Variants in CTBP2 observed in about 807,000 individuals in gnomAD.
CTBP2 encodes the protein C-terminal-binding protein 2.
A neutral mutation model predicts 80.3 loss-of-function variants in CTBP2; 30 were observed. The observed-to-expected ratio is 0.37, with a 90% CI of 0.28 to 0.51. The LOEUF is 0.51. CTBP2 is among the 20% of genes least tolerant of loss of function. The probability of loss-of-function intolerance (pLI) is 0.93; values close to 1 mark genes in which losing one functional copy is unlikely to be tolerated. For synonymous variants in CTBP2, 594 were observed against 587.4 expected, an observed-to-expected ratio of 1.01 and a Z score of -0.16; for missense variants, 1,212 against 1,375.3, an observed-to-expected ratio of 0.88 and a Z score of 1.88.
At chr10:125,086,613 T>TA (rs66522424) in intron 2 of CTBP2, among the ~76,000 whole-genome samples, 23,754 of 115,208 alleles carry the variant, frequency 0.21, 2,463 homozygotes, top group South Asian at 0.26. Context: ...AAATTTTATT[T>TA]AAAAAAAAAA....
At chr10:125,072,090 G>A (rs1021239488) in intron 2 of CTBP2, among the ~76,000 whole-genome samples, 2 of 152,152 alleles carry the variant, frequency 1.3e-5, no homozygotes, top group Admixed American at 6.5e-5. Flanking sequence ...GGGCACGGTG[G>A]CTCACGAGGT....
chr10:125,075,507 G>C (rs1846147288), intron 2 of CTBP2, among the ~76,000 whole-genome samples: 1 of 151,902 alleles, frequency 6.6e-6, no homozygotes, highest in Non-Finnish European at 1.5e-5. Flanking sequence ...TTGTGATCTT[G>C]GACTTCCCAA....
chr10:125,017,862 C>A (rs1956646691), intron 1 of CTBP2, among the ~76,000 whole-genome samples: 1 of 152,166 alleles, frequency 6.6e-6, no homozygotes, highest in African/African-American at 2.4e-5. Flanking sequence ...GTTCTCAGAG[C>A]CGTGGGGGGC....
intron 1 of CTBP2, among the ~76,000 whole-genome samples, chr10:125,128,762 C>T (rs1311481228): frequency 6.6e-6 from 1 of 152,238 alleles, no homozygotes; most frequent in Non-Finnish European, 1.5e-5. Context: ...ACTAAACATA[C>T]ACCTACTCCA....
upstream of CTBP2, chr10:125,161,065 T>TG (rs1466611094): frequency 1.0e-5 from 1 of 96,210 alleles, no homozygotes; most frequent in Non-Finnish European, 2.3e-5. Context: ...CGCTCCTGTT[T>TG]TTGGGGGGGG....
chr10:125,108,682 G>C (rs1851827783), intron 2 of CTBP2, among the ~76,000 whole-genome samples: 1 of 147,034 alleles, frequency 6.8e-6, no homozygotes, highest in Non-Finnish European at 1.5e-5. Context: ...TCTGCAAGTG[G>C]TCAGGGGAGA....
chr10:125,026,347 G>A lies in CTBP2; in HGVS notation c.1413C>T (p.Pro471=), dbSNP rs1299278826. The A allele has an allele frequency of 6.2e-7, 1 of 1,613,866 alleles. No individual in the cohort carries two copies. The highest frequency in any genetic ancestry group is 1.1e-5 in the South Asian group (1 of 91,080). ...AGGCTGTTCTGGGGCCTGGGTGAAGGGGGTTTGAGGGGCCCGGGTTAGTCA... is the reference window on the plus strand; with the variant it reads ...AGGCTGTTCTGGGGCCTGGGTGAAGAGGGTTTGAGGGGCCCGGGTTAGTCA... Residue 471 remains proline, a synonymous_variant, in exon 1 of 9, where the codon CCC becomes CCT. Transcript: ENST00000309035.
chr10:125,117,368 G>A (rs980510967), intron 1 of CTBP2, among the ~76,000 whole-genome samples: 4 of 152,092 alleles, frequency 2.6e-5, no homozygotes, highest in South Asian at 2.1e-4. Context: ...CTCTGCCACC[G>A]AGCACCACAC....
Position 124,997,993 on chromosome 10 carries a change from C to T in CTBP2, c.2156G>A (p.Arg719His), listed in dbSNP as rs753056905. The change falls in exon 4 of 9, where the codon CGT (arginine) becomes CAT (histidine). Residue 719 changes from arginine (R) to histidine (H), a missense_variant. Coordinates refer to ENST00000309035, the MANE Select transcript of CTBP2 (RefSeq NM_022802.3). ...GCCAATGAGGCCCAGCGTCTCCCCA[C>T]GGATGCGGGCCGCTCCCGAGGCCAC... 1.6e-5 allele frequency: 26 copies of T among 1,612,696 alleles called. No individual in the cohort carries two copies. Among genetic ancestry groups the T allele is most frequent in the African/African-American group, 2.7e-5 (2 of 74,938 alleles).
At chr10:125,153,995 C>T (rs1408844770) in intron 1 of CTBP2, among the ~76,000 whole-genome samples, 2 of 152,228 alleles carry the variant, frequency 1.3e-5, no homozygotes, top group Non-Finnish European at 2.9e-5. Context: ...GTGGCCCTTC[C>T]AGGCTTCTGC....
At chr10:125,086,735 T>C (rs1848045852) in intron 2 of CTBP2, among the ~76,000 whole-genome samples, 1 of 152,120 alleles carries the variant, frequency 6.6e-6, no homozygotes, top group African/African-American at 2.4e-5. Flanking sequence ...CATCTTGGTC[T>C]TGGATTTCCC....
intron 1 of CTBP2, among the ~76,000 whole-genome samples, chr10:125,118,227 G>C (rs534889622): frequency 1.3e-5 from 2 of 152,336 alleles, no homozygotes; most frequent in Admixed American, 6.5e-5. Context: ...CTAGATGACA[G>C]GGCCAACGGA....
Position 124,998,085 on chromosome 10 carries a change from C to T in CTBP2, c.2064G>A (p.Arg688=). 2 of 1,612,984 alleles carry T rather than the reference C, an allele frequency of 1.2e-6. No individual in the cohort carries two copies. Among genetic ancestry groups the T allele is most frequent in the Non-Finnish European group, 1.7e-6 (2 of 1,179,820 alleles). The change falls in exon 4 of 9, where the codon AGG becomes AGA. Residue 688 remains arginine, a synonymous_variant. Transcript: ENST00000309035. ...GCAGTGCCTGGTACAGCCACGTGTTCCTCCGGTACAGGTTGAGGATGTGGC... is the reference window on the plus strand; with the variant it reads ...GCAGTGCCTGGTACAGCCACGTGTTTCTCCGGTACAGGTTGAGGATGTGGC...
chr10:125,009,755 A>T (rs1955658919), intron 1 of CTBP2, among the ~76,000 whole-genome samples: 1 of 152,162 alleles, frequency 6.6e-6, no homozygotes, highest in African/African-American at 2.4e-5. Flanking sequence ...TGCCTCTCAG[A>T]CACTTGGCGT....
chr10:125,021,589 G>A (rs958061269), intron 1 of CTBP2, among the ~76,000 whole-genome samples: 8 of 152,144 alleles, frequency 5.3e-5, no homozygotes, highest in African/African-American at 1.4e-4. Flanking sequence ...GGGCAGCAAC[G>A]GGCAGGAGGG....
At chr10:125,149,220 C>T (rs572962649) in intron 1 of CTBP2, among the ~76,000 whole-genome samples, 3 of 152,246 alleles carry the variant, frequency 2.0e-5, no homozygotes, top group Non-Finnish European at 2.9e-5. Flanking sequence ...ACCTGCACGC[C>T]GCAGTCATTC....
chr10:125,069,041 TG>T (rs1391991874), intron 2 of CTBP2, among the ~76,000 whole-genome samples: 3 of 152,042 alleles, frequency 2.0e-5, no homozygotes, highest in Non-Finnish European at 2.9e-5. Flanking sequence ...CTCACAGGGC[TG>T]GGGTAGAGCT....
intron 2 of CTBP2, among the ~76,000 whole-genome samples, chr10:125,108,427 C>T (rs2135900228): frequency 6.6e-6 from 1 of 152,354 alleles, no homozygotes; most frequent in South Asian, 2.1e-4. Context: ...CTACCTCCTT[C>T]TTCTGTGCCC....
intron 1 of CTBP2, among the ~76,000 whole-genome samples, chr10:125,117,663 G>T (rs1853567245): frequency 6.6e-6 from 1 of 152,196 alleles, no homozygotes; most frequent in African/African-American, 2.4e-5. Flanking sequence ...GAATGAACAG[G>T]GTGTACCCGA....
Sources: allele counts gnomAD v4.1 joint callset (sites outside exome capture counted in the v4.1 genomes callset), GRCh38; gene constraint gnomAD v4.1.1; transcripts MANE v1.5; gene names NCBI Gene and HGNC (gene_info 2026-07-23, HGNC 2026-07-21).